Variants in GOLM1 observed in about 807,000 individuals in gnomAD.
GOLM1 encodes the protein epididymis luminal protein 46.
A neutral mutation model predicts 50.5 loss-of-function variants in GOLM1; 31 were observed. The observed-to-expected ratio is 0.61, with a 90% CI of 0.46 to 0.83. The LOEUF is 0.83. GOLM1 is among the 40% of genes least tolerant of loss of function. The probability of loss-of-function intolerance (pLI) is 0.00; values close to 1 mark genes in which losing one functional copy is unlikely to be tolerated. For synonymous variants in GOLM1, 178 were observed against 192.8 expected (o/e 0.92, Z 0.64); for missense variants, 491 against 501.3 (o/e 0.98, Z 0.20).
intron 7 of GOLM1, among the ~76,000 whole-genome samples, 186 bp from the exon 8 acceptor site, chr9:86,035,811 C>T (rs1485489729): frequency 7.0e-6 from 1 of 143,410 alleles, no homozygotes; most frequent in Non-Finnish European, 1.5e-5. Flanking sequence ...GACTGCAGGC[C>T]TTTCTGTGCC....
At chr9:86,076,473 A>G (rs1834620143) in intron 3 of GOLM1, among the ~76,000 whole-genome samples, 1 of 149,864 alleles carries the variant, frequency 6.7e-6, no homozygotes, top group Non-Finnish European at 1.5e-5. Context: ...TTTCTAGTTA[A>G]TAATAGAGGC....
intron 4 of GOLM1, among the ~76,000 whole-genome samples, chr9:86,049,412 G>T (rs1241791372): frequency 6.6e-6 from 1 of 152,114 alleles, no homozygotes; most frequent in Non-Finnish European, 1.5e-5. Flanking sequence ...GTGAAGAAAG[G>T]CATTGGTAGC....
chr9:86,060,266 G>C (rs1201873659), intron 3 of GOLM1, among the ~76,000 whole-genome samples: 4 of 152,130 alleles, frequency 2.6e-5, no homozygotes, highest in Non-Finnish European at 5.9e-5. Context: ...AGAGGAATAA[G>C]AAGGTGGGGG....
chr9:86,083,876 G>C (rs1181606087), intron 1 of GOLM1, among the ~76,000 whole-genome samples: 1 of 152,148 alleles, frequency 6.6e-6, no homozygotes, highest in African/African-American at 2.4e-5. Context: ...CTGAGATCAA[G>C]GTCTGATCAG....
chr9:86,044,833 T>A (rs1833482050), intron 5 of GOLM1, among the ~76,000 whole-genome samples: 1 of 151,806 alleles, frequency 6.6e-6, no homozygotes, highest in Non-Finnish European at 1.5e-5. Flanking sequence ...GTGCCCATAA[T>A]CCCAGCTACT....
chr9:86,031,668 G>A (rs1315565307), intron 9 of GOLM1, among the ~76,000 whole-genome samples: 2 of 151,602 alleles, frequency 1.3e-5, no homozygotes, highest in African/African-American at 4.8e-5. Context: ...CACCATGTTA[G>A]TTAGGCTGGT....
At chr9:86,091,329 A>AT (rs772569315) in intron 1 of GOLM1, among the ~76,000 whole-genome samples, 3 of 151,826 alleles carry the variant, frequency 2.0e-5, no homozygotes, top group Non-Finnish European at 4.4e-5. Context: ...ACTTACCCAC[A>AT]TTTTTTTCCA....
At chr9:86,053,158 A>C in intron 3 of GOLM1, among the ~76,000 whole-genome samples, 1 of 125,802 alleles carries the variant, frequency 7.9e-6, no homozygotes, top group Non-Finnish European at 1.7e-5. Flanking sequence ...ACTCCACACC[A>C]CACATTCACA....
Position 86,036,426 on chromosome 9 carries a change from C to T in GOLM1, c.679G>A (p.Val227Met), listed in dbSNP as rs141860390. Residue 227 changes from valine to methionine, a missense_variant, in exon 7 of 10, where the codon GTG (valine) becomes ATG (methionine). By Grantham distance (21) the Val-to-Met change is conservative. Coordinates refer to ENST00000388712, the MANE Select transcript of GOLM1 (RefSeq NM_016548.4). ...HTEVPQGKGN[V>M]LGNSKSQTPA... Reference sequence around the variant, plus strand: ...GTCTGGGACTTGCTGTTACCAAGCACGTTTCCCTTCCCTTGTGGCACCTCT... The same window carrying T: ...GTCTGGGACTTGCTGTTACCAAGCATGTTTCCCTTCCCTTGTGGCACCTCT... The T allele has an allele frequency of 8.5e-5, 137 of 1,614,052 alleles. No individual in the cohort carries two copies. Among genetic ancestry groups the T allele is most frequent in the Middle Eastern group, 8.2e-4 (5 of 6,084 alleles).
At chr9:86,087,877 C>G (rs1408883468) in intron 1 of GOLM1, among the ~76,000 whole-genome samples, 1 of 152,166 alleles carries the variant, frequency 6.6e-6, no homozygotes, top group Non-Finnish European at 1.5e-5. Flanking sequence ...CGATGTTCAT[C>G]AGGGATATTG....
chr9:86,044,593 T>C (rs1833472472), intron 5 of GOLM1, among the ~76,000 whole-genome samples: 1 of 152,128 alleles, frequency 6.6e-6, no homozygotes, highest in Non-Finnish European at 1.5e-5. Context: ...TTAAGACAAT[T>C]AGGAGCTATA....
intron 1 of GOLM1, among the ~76,000 whole-genome samples, chr9:86,097,752 C>G (rs1471505958): frequency 1.3e-5 from 2 of 152,150 alleles, no homozygotes; most frequent in African/African-American, 4.8e-5. Flanking sequence ...AGAAAGCCAG[C>G]TCGCACTTTC....
chr9:86,035,491 G>A lies in GOLM1; in HGVS notation c.892C>T (p.Gln298Ter). 1 of 1,613,318 alleles carries A rather than the reference G, an allele frequency of 6.2e-7. No individual in the cohort carries two copies. Among genetic ancestry groups the A allele is most frequent in the South Asian group, 1.1e-5 (1 of 91,058 alleles). Reference sequence around the variant, plus strand: ...AGGGCAGCCTGCACCTGTGGGGTCTGGCCCAGTTCTCCGGCTCCCCCGAAG... The same window carrying A: ...AGGGCAGCCTGCACCTGTGGGGTCTAGCCCAGTTCTCCGGCTCCCCCGAAG... Reference protein sequence around the residue: ...RGFGGAGELGQTPQVQAALSV... With the variant: ...RGFGGAGELG Residue 298 changes from glutamine to a stop codon, truncating the protein, a stop_gained, in exon 8 of 10, where the codon CAG (glutamine) becomes TAG (stop). Coordinates refer to ENST00000388712, the MANE Select transcript of GOLM1 (RefSeq NM_016548.4). LOFTEE classifies it high-confidence loss of function.
rs911693593 is a variant in GOLM1, at chr9:86,060,889, AAAAAAAAAAAAAAAAAAAAAAAAAAGAAG to A, written c.310-8327_310-8299del. Among the ~76,000 whole-genome samples the A allele has an allele frequency of 5.8e-3, 440 of 75,692 alleles. 1 individual carries two copies. Among genetic ancestry groups the A allele is most frequent in the African/African-American group, 0.047 (418 of 8,822 alleles). 49.7% of individuals were successfully genotyped at this position (75,692 alleles called of 152,430 possible). ...GCGAAACTCTCTCAAAAAAAAAAAA[AAAAAAAAAAAAAAAAAAAAAAAAAAGAAG>A]AAGAAGAAGAAGTTACACAACACAG... On this transcript the variant is annotated intron_variant, in intron 3 of 9. Coordinates refer to ENST00000388712, the MANE Select transcript of GOLM1 (RefSeq NM_016548.4).
chr9:86,077,340 C>T (rs17051613), intron 3 of GOLM1, 72 bp downstream of exon 3: 140,351 of 1,258,668 alleles, frequency 0.11, 8,232 homozygotes, highest in South Asian at 0.14. Flanking sequence ...CTCATCCTCC[C>T]GCCAAGAAGA....
chr9:86,066,908 T>C (rs1834324086), intron 3 of GOLM1, among the ~76,000 whole-genome samples: 1 of 151,964 alleles, frequency 6.6e-6, no homozygotes, highest in South Asian at 2.1e-4. Flanking sequence ...CCAGGATCTT[T>C]GGAAGTCTTC....
intron 1 of GOLM1, among the ~76,000 whole-genome samples, chr9:86,088,420 G>GTGTATATATATATATATA (rs1157260470): frequency 2.1e-4 from 18 of 86,304 alleles, no homozygotes; most frequent in African/African-American, 5.8e-4. Flanking sequence ...TTTGAAGGGT[G>GTGTATATATATATATATA]TATATATATA....
At chr9:86,064,465 C>A (rs1479990355) in intron 3 of GOLM1, among the ~76,000 whole-genome samples, 1 of 152,200 alleles carries the variant, frequency 6.6e-6, no homozygotes, top group Non-Finnish European at 1.5e-5. Context: ...TCATCCTACT[C>A]CTGCCCAAAT....
chr9:86,072,641 T>A (rs1233275550), intron 3 of GOLM1, among the ~76,000 whole-genome samples: 2 of 152,228 alleles, frequency 1.3e-5, no homozygotes, highest in Non-Finnish European at 2.9e-5. Context: ...AAACAAGCAT[T>A]AACTCAATTA....
Sources: allele counts gnomAD v4.1 joint callset (sites outside exome capture counted in the v4.1 genomes callset), GRCh38; gene constraint gnomAD v4.1.1; transcripts MANE v1.5; gene names NCBI Gene and HGNC (gene_info 2026-07-23, HGNC 2026-07-21).